The following NLRP2 variants were observed in gnomAD, a reference collection of about 807,000 sequenced individuals.
NLRP2 encodes the protein NLR family pyrin domain containing 2.
In NLRP2, 107 loss-of-function variants were observed where a neutral mutation model predicts 97.2. That is an observed-to-expected ratio of 1.10 (90% confidence interval 0.94 to 1.29). The LOEUF is 1.29. NLRP2 is among the 50% of genes most tolerant of loss of function. The probability of loss-of-function intolerance (pLI) is 0.00; values close to 1 mark genes in which losing one functional copy is unlikely to be tolerated. For missense variants in NLRP2, 1,495 were observed against 1,330.3 expected (o/e 1.12, Z -1.93); for synonymous variants, 663 against 551.5 (o/e 1.20, Z -2.83).
In NLRP2 at chr19:54,990,661, G is replaced by A. The variant is rs1481203588; in HGVS notation, c.2697G>A (p.Leu899=). The change falls in exon 10 of 13, where the codon CTG becomes CTA. Residue 899 remains leucine (L), a synonymous_variant. Coordinates refer to ENST00000448584, the MANE Select transcript of NLRP2 (RefSeq NM_017852.5). ...CEGLRYPECK[L]QTLVLWNCDI... ...GCTTGAGGTACCCCGAGTGTAAACT[G>A]CAGACCTTGGTGTAAGTCCGTGCTG... 1 of 1,614,160 alleles carries A rather than the reference G, an allele frequency of 6.2e-7. No individual in the cohort carries two copies. The highest frequency in any genetic ancestry group is 2.2e-5 in the East Asian group (1 of 44,880).
At chr19:54,990,328 T>C (rs540357974) in intron 9 of NLRP2, 136 bp downstream of exon 9, 1,623 of 1,142,526 alleles carry the variant, frequency 1.4e-3, no homozygotes, top group Non-Finnish European at 1.6e-3. Context: ...TCCAGGCCGA[T>C]GGCCTGTGAA....
chr19:54,998,589 T>TC (rs1426467165), intron 12 of NLRP2, among the ~76,000 whole-genome samples: 1 of 130,366 alleles, frequency 7.7e-6, no homozygotes, highest in East Asian at 2.0e-4. Flanking sequence ...TTTTACTCTT[T>TC]TTTTTGGGGT....
intron 3 of NLRP2, among the ~76,000 whole-genome samples, chr19:54,976,302 C>A (rs2071225578): frequency 6.7e-6 from 1 of 150,176 alleles, no homozygotes; most frequent in African/African-American, 2.5e-5. Context: ...ATCCACGTGC[C>A]TCAGCCTCCC....
chr19:54,997,209 A>T, intron 11 of NLRP2, 108 bp from the exon 12 acceptor site: 1 of 1,155,362 alleles, frequency 8.7e-7, no homozygotes, highest in Non-Finnish European at 1.3e-6. Context: ...CCGGCCTGAG[A>T]CTTCTGTTGG....
intron 8 of NLRP2, among the ~76,000 whole-genome samples, chr19:54,987,232 T>C (rs993315542): frequency 6.7e-6 from 1 of 149,224 alleles, no homozygotes; most frequent in Admixed American, 6.7e-5. Context: ...CATTCACTCA[T>C]GGTTCATGCT....
chr19:54,987,507 C>G (rs148550606), intron 8 of NLRP2, among the ~76,000 whole-genome samples: 1 of 151,920 alleles, frequency 6.6e-6, no homozygotes, highest in South Asian at 2.1e-4. Flanking sequence ...CCTGGGAGGC[C>G]GAGGTGGGTG....
rs1397386437 is a variant in NLRP2 at position 54,998,681 on chromosome 19, AGG to A, written c.3050+1198_3050+1199del. On this transcript the variant is annotated intron_variant, in intron 12 of 12. Coordinates refer to ENST00000448584, the MANE Select transcript of NLRP2 (RefSeq NM_017852.5). ...GATCATTCTTGGGTGTTTCTCACAG[AGG>A]GGGATTTGGCAGGGTCATAGGACAA... Among the ~76,000 whole-genome samples the A allele has an allele frequency of 3.2e-5, 3 of 94,664 alleles. No homozygotes were observed. The East Asian group carries it at 9.9e-4, about 31-fold the overall frequency. 62.1% of individuals were successfully genotyped at this position (94,664 alleles called of 152,430 possible).
chr19:54,982,074 G>T lies in NLRP2; in HGVS notation c.464-88G>T. On this transcript the variant is annotated intron_variant, in intron 5 of 12. Transcript: ENST00000448584. ...ATTACAGGCATGAGCCACTGTGCCC[G>T]GCCAACACAAGGCATTTTGTTATTT... 6 of 1,548,944 alleles carry T rather than the reference G, an allele frequency of 3.9e-6. No homozygotes were observed. In the South Asian group the frequency reaches 6.7e-5, roughly 17 times the overall value.
intron 2 of NLRP2, among the ~76,000 whole-genome samples, chr19:54,971,994 GA>G (rs1391483674): frequency 4.5e-5 from 4 of 89,346 alleles, no homozygotes; most frequent in African/African-American, 4.8e-5. Context: ...ATGCCTGGCT[GA>G]TTTTTTTTTT....
chr19:54,981,509 G>GCCACCCCC, intron 4 of NLRP2, 108 bp from the exon 5 acceptor site: 1 of 386,504 alleles, frequency 2.6e-6, no homozygotes, highest in South Asian at 2.1e-5. Flanking sequence ...CTGATCCCGT[G>GCCACCCCC]CCCCCCCTCC....
At chr19:54,973,780 C>A (rs534475366) in intron 2 of NLRP2, 13 of 561,280 alleles carry the variant, frequency 2.3e-5, no homozygotes, top group African/African-American at 7.5e-5. Flanking sequence ...GAAAAAGATA[C>A]AAATTTTCTT....
intron 4 of NLRP2, among the ~76,000 whole-genome samples, chr19:54,978,536 T>A (rs2146399209): frequency 6.6e-6 from 1 of 152,198 alleles, no homozygotes; most frequent in East Asian, 1.9e-4. Context: ...AGAGCCACCG[T>A]ACCCGGCCTT....
In NLRP2 at chr19:54,997,249, G is replaced by A. The variant is rs996251594; in HGVS notation, c.2880-68G>A. 6.5e-6 allele frequency: 10 copies of A among 1,534,594 alleles called. No homozygotes were observed. The African/African-American group carries it at 1.4e-4, about 21-fold the overall frequency. On this transcript the variant is annotated intron_variant, in intron 11 of 12. Transcript: ENST00000448584. ...GCAGATCCCCAACACACGAGGGTGG[G>A]CTTGGCTTGCCGGAGGGCATCGATC... is the stretch of plus-strand genomic sequence containing the variant.
In NLRP2 at chr19:54,974,501, A is replaced by C; in HGVS notation, c.282A>C (p.Glu94Asp). Residue 94 changes from glutamate (E) to aspartate (D), a missense_variant and splice_region_variant, in exon 3 of 13, where the codon GAA (glutamate) becomes GAC (aspartate). By Grantham distance (45) the Glu-to-Asp change is conservative. Transcript: ENST00000448584. Reference sequence around the variant, plus strand: ...TTTTCCCCCCTTCTCCTTTTTCAGAAGCAGCTTTGAAATCCTTTAATAAAA... The same window carrying C: ...TTTTCCCCCCTTCTCCTTTTTCAGACGCAGCTTTGAAATCCTTTAATAAAA... Reference protein sequence around the residue: ...LSERAKDEVREAALKSFNKRK... With the variant: ...LSERAKDEVRDAALKSFNKRK... The C allele has an allele frequency of 1.2e-6, 2 of 1,611,246 alleles. No individual in the cohort carries two copies. The highest frequency in any genetic ancestry group is 1.7e-6 in the Non-Finnish European group (2 of 1,177,422).
At chr19:54,977,129 A>G (rs941364027) in intron 3 of NLRP2, among the ~76,000 whole-genome samples, 2 of 151,920 alleles carry the variant, frequency 1.3e-5, no homozygotes, top group Non-Finnish European at 2.9e-5. Context: ...CCTTGTTCTT[A>G]CATTCTTTCC....
chr19:54,998,969 G>C (rs1310139932), intron 12 of NLRP2, among the ~76,000 whole-genome samples: 2 of 151,782 alleles, frequency 1.3e-5, no homozygotes, highest in Non-Finnish European at 2.9e-5. Context: ...AGATCAACAG[G>C]ATCCCAAGGC....
At chr19:54,970,875 G>T (rs896358672) in intron 2 of NLRP2, among the ~76,000 whole-genome samples, 237 of 143,014 alleles carry the variant, frequency 1.7e-3, no homozygotes, top group African/African-American at 5.8e-3. Context: ...CATTGTGCAG[G>T]TTAGTTACAT....
intron 10 of NLRP2, among the ~76,000 whole-genome samples, chr19:54,991,889 G>T: frequency 6.9e-6 from 1 of 145,888 alleles, no homozygotes. Flanking sequence ...GATGGTTTCT[G>T]TTCAGAGATT....
At chr19:54,970,942 G>C (rs1244365839) in intron 2 of NLRP2, among the ~76,000 whole-genome samples, 1 of 137,842 alleles carries the variant, frequency 7.3e-6, no homozygotes, top group Non-Finnish European at 1.6e-5. Context: ...TCTAGCATTA[G>C]GTATATCTCC....
Sources: allele counts gnomAD v4.1 joint callset (sites outside exome capture counted in the v4.1 genomes callset), GRCh38; gene constraint gnomAD v4.1.1; transcripts MANE v1.5; gene names NCBI Gene and HGNC (gene_info 2026-07-23, HGNC 2026-07-21).